Variants in TAOK1 observed in about 807,000 individuals in gnomAD.
The protein encoded by TAOK1 is TAO kinase 1.
Under a neutral mutation model 138.3 loss-of-function variants are expected in TAOK1, and 21 were observed. The ratio of observed to expected loss-of-function variants is 0.15; its 90% CI spans 0.11 to 0.22. The LOEUF (loss-of-function observed/expected upper bound fraction) is 0.22. Ranked by LOEUF, TAOK1 falls within the 10% of genes least tolerant of loss-of-function variation. The pLI, the probability that TAOK1 is intolerant of heterozygous loss-of-function variation, is 1.00. For synonymous variants in TAOK1, 361 were observed against 398.4 expected, an observed-to-expected ratio of 0.91 and a Z score of 1.12; for missense variants, 651 against 1,227.7, an observed-to-expected ratio of 0.53 and a Z score of 7.02.
chr17:29,433,356 G>A (rs1905911165), intron 1 of TAOK1, among the ~76,000 whole-genome samples: 2 of 151,608 alleles, frequency 1.3e-5, no homozygotes, highest in Admixed American at 6.6e-5. Context: ...GCTTGAACCC[G>A]GGAGTGGATG....
At chr17:29,470,888 C>T (rs977249913) in intron 3 of TAOK1, among the ~76,000 whole-genome samples, 5 of 152,102 alleles carry the variant, frequency 3.3e-5, no homozygotes, top group Admixed American at 1.3e-4. Context: ...TTTGGAAGGC[C>T]GAGGCAGGCG....
intron 15 of TAOK1, among the ~76,000 whole-genome samples, chr17:29,516,989 ATT>A (rs770682970): frequency 5.0e-5 from 7 of 140,078 alleles, no homozygotes; most frequent in Non-Finnish European, 9.4e-5. Flanking sequence ...TACCCAGCTA[ATT>A]TTTTTTTTTT....
intron 16 of TAOK1, among the ~76,000 whole-genome samples, chr17:29,519,395 T>C (rs2031876680): frequency 6.6e-6 from 1 of 151,938 alleles, no homozygotes; most frequent in Admixed American, 6.6e-5. Context: ...GGCGGGCGCC[T>C]ATAATTCCAG....
At chr17:29,490,645 C>T (rs1489806635) in intron 9 of TAOK1, among the ~76,000 whole-genome samples, 2 of 152,048 alleles carry the variant, frequency 1.3e-5, no homozygotes, top group Admixed American at 6.6e-5. Context: ...TTATATAGAA[C>T]GAATCTTTTG....
chr17:29,474,848 T>G (rs2030907217), intron 3 of TAOK1, among the ~76,000 whole-genome samples: 1 of 89,560 alleles, frequency 1.1e-5, no homozygotes, highest in Non-Finnish European at 2.0e-5. Context: ...ACCTTCAATT[T>G]GTTTTAAAAA....
rs186334157 is a variant in TAOK1 at position 29,542,515 on chromosome 17, T to G, written c.2545-46T>G. 4.1e-4 allele frequency: 618 copies of G among 1,499,936 alleles called. No homozygotes were observed. The African/African-American group carries it at 7.4e-3, about 18-fold the overall frequency. 92.9% of individuals were successfully genotyped at this position (1,499,936 alleles called of 1,614,324 possible). On this transcript the variant is annotated intron_variant, in intron 19 of 19. Coordinates refer to ENST00000261716, the MANE Select transcript of TAOK1 (RefSeq NM_020791.4). ...ATTATTGCTTCCTTTCTTTATAGAC[T>G]TAAAAATAATAAATTGGCTTTCATT...
intron 3 of TAOK1, among the ~76,000 whole-genome samples, chr17:29,473,203 A>G (rs2030867737): frequency 6.6e-6 from 1 of 152,164 alleles, no homozygotes; most frequent in African/African-American, 2.4e-5. Context: ...TTCAACTTAA[A>G]ATCACAAGCT....
At chr17:29,538,908 T>G (rs1372584075) in intron 19 of TAOK1, among the ~76,000 whole-genome samples, 1 of 152,192 alleles carries the variant, frequency 6.6e-6, no homozygotes, top group African/African-American at 2.4e-5. Flanking sequence ...CATTTAATTT[T>G]CTCTCAAGAT....
rs1221076146 is a variant in TAOK1, at chr17:29,397,613, A to AAT, written c.-95+6605_-95+6606dup. Among the ~76,000 whole-genome samples, 24 of 41,400 alleles carry AAT rather than the reference A, an allele frequency of 5.8e-4. 1 individual carries two copies. The highest frequency in any genetic ancestry group is 2.6e-3 in the Admixed American group (12 of 4,664). The allele number at this position is 41,400 out of a possible 152,430, so 27.2% of individuals were successfully genotyped here. A position where few individuals can be genotyped will look rare whatever the true frequency, so the allele number is the denominator to read the frequency against. ...GTGAGATTCCGTCCCCCCCCAAAAAAATATATATATATATATACATGTATA... is the reference window on the plus strand; with the variant it reads ...GTGAGATTCCGTCCCCCCCCAAAAAAATATATATATATATATATACATGTATA... On this transcript the variant is annotated intron_variant, in intron 1 of 19. Coordinates refer to ENST00000261716, the MANE Select transcript of TAOK1 (RefSeq NM_020791.4).
chr17:29,535,032 G>T (rs2150775240), intron 19 of TAOK1, among the ~76,000 whole-genome samples: 1 of 152,082 alleles, frequency 6.6e-6, no homozygotes, highest in Admixed American at 6.6e-5. Context: ...GTTGCAAGAA[G>T]TGGTAGATTA....
intron 19 of TAOK1, 119 bp downstream of exon 19, chr17:29,534,419 C>A: frequency 1.1e-6 from 1 of 943,324 alleles, no homozygotes; most frequent in Non-Finnish European, 1.5e-6. Flanking sequence ...TACCACATTT[C>A]CTGAATTCTA....
chr17:29,513,883 G>A (rs1424305713), intron 15 of TAOK1: 1 of 152,230 alleles, frequency 6.6e-6, no homozygotes, highest in African/African-American at 2.4e-5. Flanking sequence ...GGCAGAGGTT[G>A]CAGTGAGCCG....
At chr17:29,541,514 A>G (rs1003246369) in intron 19 of TAOK1, among the ~76,000 whole-genome samples, 2 of 151,592 alleles carry the variant, frequency 1.3e-5, no homozygotes, top group Non-Finnish European at 2.9e-5. Context: ...ATTATCTCAA[A>G]TCCTCAATCC....
intron 18 of TAOK1, among the ~76,000 whole-genome samples, 197 bp from the exon 19 acceptor site, chr17:29,533,921 C>T (rs1443639932): frequency 6.6e-6 from 1 of 151,890 alleles, no homozygotes; most frequent in African/African-American, 2.4e-5. Context: ...CTTATGATAG[C>T]TTTATCTTCA....
At chr17:29,540,931 C>T (rs1408064680) in intron 19 of TAOK1, among the ~76,000 whole-genome samples, 1 of 151,884 alleles carries the variant, frequency 6.6e-6, no homozygotes, top group Non-Finnish European at 1.5e-5. Context: ...TCTCAAACTC[C>T]TGGCCTGAAG....
At chr17:29,523,703 A>G (rs1190450063) in intron 17 of TAOK1, among the ~76,000 whole-genome samples, 1 of 152,088 alleles carries the variant, frequency 6.6e-6, no homozygotes, top group African/African-American at 2.4e-5. Flanking sequence ...ATCTTAATAT[A>G]CAAAACCACC....
rs563048073 is a variant in TAOK1 at position 29,442,412 on chromosome 17, C to A, written c.-94-9043C>A. On this transcript the variant is annotated intron_variant, in intron 1 of 19. Transcript: ENST00000261716. ...CTGTTTTTTTTTTTTTTAACATTTTCTATTTCACTTATCACAGTTCTGCTA... is the reference window on the plus strand; with the variant it reads ...CTGTTTTTTTTTTTTTTAACATTTTATATTTCACTTATCACAGTTCTGCTA... 1.1e-4 allele frequency among the ~76,000 whole-genome samples: 15 copies of A among 141,988 alleles called. No individual in the cohort carries two copies. The Admixed American group carries it at 1.1e-3, about 10-fold the overall frequency. The allele number at this position is 141,988 out of a possible 152,430, so 93.1% of individuals were successfully genotyped here. A position where few individuals can be genotyped will look rare whatever the true frequency, so the allele number is the denominator to read the frequency against.
chr17:29,517,775 T>C, intron 16 of TAOK1, 119 bp downstream of exon 16: 1 of 870,326 alleles, frequency 1.1e-6, no homozygotes, highest in Non-Finnish European at 1.7e-6. Flanking sequence ...TCTGAATCAT[T>C]CTTCCCCAGA....
chr17:29,500,020 C>G (rs1357291988), intron 12 of TAOK1, among the ~76,000 whole-genome samples: 1 of 152,114 alleles, frequency 6.6e-6, no homozygotes, highest in Non-Finnish European at 1.5e-5. Context: ...TAACAATTAA[C>G]AGGAATGCTA....
Sources: allele counts gnomAD v4.1 joint callset (sites outside exome capture counted in the v4.1 genomes callset), GRCh38; gene constraint gnomAD v4.1.1; transcripts MANE v1.5; gene names NCBI Gene and HGNC (gene_info 2026-07-23, HGNC 2026-07-21).